The following RMDN2 variants were observed in gnomAD, a reference collection of about 807,000 sequenced individuals.
The protein encoded by RMDN2 is regulator of microtubule dynamics protein 2.
Under a neutral mutation model 52.8 loss-of-function variants are expected in RMDN2, and 61 were observed. The observed-to-expected ratio is 1.16, with a 90% CI of 0.94 to 1.43. The LOEUF (loss-of-function observed/expected upper bound fraction) is 1.43, where lower values mean the gene tolerates loss of function less well. Ranked by LOEUF, RMDN2 falls within the 40% of genes most tolerant of loss-of-function variation. The pLI is 0.00. For missense variants in RMDN2, 592 were observed against 475.3 expected (o/e 1.25, Z -2.28); for synonymous variants, 180 against 153.1 (o/e 1.18, Z -1.30).
At chr2:38,027,694 G>C (rs912087793) in intron 10 of RMDN2, among the ~76,000 whole-genome samples, 11 of 152,138 alleles carry the variant, frequency 7.2e-5, no homozygotes, top group African/African-American at 2.7e-4. Flanking sequence ...AAATAAAATT[G>C]CATGTGGAGA....
chr2:37,927,949 C>A (rs1292420088), intron 1 of RMDN2, among the ~76,000 whole-genome samples: 1 of 152,152 alleles, frequency 6.6e-6, no homozygotes, highest in Non-Finnish European at 1.5e-5. Context: ...CCCAGTTATA[C>A]CAATTAGGTG....
chr2:37,941,352 C>G (rs368578156), intron 2 of RMDN2, among the ~76,000 whole-genome samples: 1 of 152,236 alleles, frequency 6.6e-6, no homozygotes, highest in Non-Finnish European at 1.5e-5. Flanking sequence ...AGGTGTCTCC[C>G]TGTCAGGAGG....
At chr2:38,006,423 C>G (rs1292085866) in intron 10 of RMDN2, among the ~76,000 whole-genome samples, 1 of 152,130 alleles carries the variant, frequency 6.6e-6, no homozygotes, top group Non-Finnish European at 1.5e-5. Flanking sequence ...CCTTCACGTC[C>G]CTTGTAAGTT....
At chr2:37,951,507 A>C in intron 2 of RMDN2, 2 of 1,612,084 alleles carry the variant, frequency 1.2e-6, no homozygotes, top group Non-Finnish European at 1.7e-6. Flanking sequence ...AAGTAGAGCT[A>C]ACTTTGATTC....
chr2:37,982,673 T>C (rs1371011148), intron 5 of RMDN2, among the ~76,000 whole-genome samples: 1 of 152,136 alleles, frequency 6.6e-6, no homozygotes, highest in East Asian at 1.9e-4. Context: ...GATAAAGTAT[T>C]GTTTTGTACT....
At chr2:38,012,715 AC>A in intron 10 of RMDN2, 1 of 393,438 alleles carries the variant, frequency 2.5e-6, no homozygotes. Context: ...TATATGTAAT[AC>A]CCCTCCATCT....
At chr2:37,990,141 TGA>T (rs373081383) in intron 6 of RMDN2, among the ~76,000 whole-genome samples, 60,933 of 132,810 alleles carry the variant, frequency 0.46, 14,098 homozygotes, top group East Asian at 0.73. Flanking sequence ...AGACTCCGTC[TGA>T]AAAAAAAAAA....
intron 2 of RMDN2, among the ~76,000 whole-genome samples, chr2:37,943,050 A>G (rs1667932377): frequency 6.6e-6 from 1 of 152,200 alleles, no homozygotes; most frequent in South Asian, 2.1e-4. Flanking sequence ...ATGAGCAGCC[A>G]TCCACATGCC....
intron 2 of RMDN2, chr2:37,951,290 A>G (rs1054237536): frequency 1.2e-5 from 20 of 1,611,870 alleles, no homozygotes; most frequent in African/African-American, 2.7e-5. Context: ...AAGTTAGTAC[A>G]GACGCCCAGC....
At chr2:37,999,353 T>C (rs7603987) in intron 8 of RMDN2, among the ~76,000 whole-genome samples, 1,786 of 152,308 alleles carry the variant, frequency 0.012, 34 homozygotes, top group African/African-American at 0.041. Flanking sequence ...TCTACATTCT[T>C]ACAAGTAAAT....
intron 2 of RMDN2, among the ~76,000 whole-genome samples, chr2:37,948,828 G>T (rs984560039): frequency 6.6e-6 from 1 of 152,042 alleles, no homozygotes; most frequent in African/African-American, 2.4e-5. Context: ...AATAAGGTCG[G>T]GGGAGTGATC....
At chr2:38,045,805 G>C (rs899575228) in intron 10 of RMDN2, among the ~76,000 whole-genome samples, 1 of 152,222 alleles carries the variant, frequency 6.6e-6, no homozygotes, top group African/African-American at 2.4e-5. Flanking sequence ...ATAAAAGCTA[G>C]TGGCTTCACA....
intron 4 of RMDN2, among the ~76,000 whole-genome samples, chr2:37,976,525 A>T (rs746126502): frequency 4.6e-5 from 7 of 152,180 alleles, no homozygotes; most frequent in Non-Finnish European, 7.3e-5. Context: ...AACTCCTTGT[A>T]ATTATATTTT....
In RMDN2 at chr2:37,977,857, G is replaced by GCTC. The variant is rs554157837; in HGVS notation, c.730+2547_730+2549dup. Among the ~76,000 whole-genome samples, 427 of 151,726 alleles carry GCTC rather than the reference G, an allele frequency of 2.8e-3. 2 individuals are homozygous for GCTC. Among genetic ancestry groups the GCTC allele is most frequent in the South Asian group, 0.02 (97 of 4,766 alleles). Reference sequence around the variant, plus strand: ...CCAGACTGGGCGGCCGGGCAGAGGGGCTCCTCACATCCCGGACGATGGGCG... The same window carrying GCTC: ...CCAGACTGGGCGGCCGGGCAGAGGGGCTCCTCCTCACATCCCGGACGATGGGCG... On this transcript the variant is annotated intron_variant, in intron 4 of 10. Coordinates refer to ENST00000354545, the MANE Select transcript of RMDN2 (RefSeq NM_001170791.3).
At chr2:37,976,935 G>A (rs1158560481) in intron 4 of RMDN2, among the ~76,000 whole-genome samples, 2 of 151,868 alleles carry the variant, frequency 1.3e-5, no homozygotes, top group South Asian at 2.1e-4. Context: ...GTGGAGGGAA[G>A]GTCAGCAGAT....
chr2:37,925,908 G>A (rs1666242233), intron 1 of RMDN2, among the ~76,000 whole-genome samples: 1 of 152,162 alleles, frequency 6.6e-6, no homozygotes, highest in Non-Finnish European at 1.5e-5. Flanking sequence ...GATTATCAGT[G>A]CTGCCAACAT....
At chr2:37,979,812 G>T (rs1025397758) in intron 4 of RMDN2, among the ~76,000 whole-genome samples, 1 of 152,026 alleles carries the variant, frequency 6.6e-6, no homozygotes, top group African/African-American at 2.4e-5. Context: ...CTGGCAGTAC[G>T]CTGAAAGTTT....
chr2:37,953,690 G>T (rs1313356415), intron 2 of RMDN2, among the ~76,000 whole-genome samples: 1 of 151,912 alleles, frequency 6.6e-6, no homozygotes, highest in Non-Finnish European at 1.5e-5. Context: ...CTTCCTTTCA[G>T]TTCTTTTGAG....
intron 2 of RMDN2, chr2:37,963,317 C>CT (rs60052181): frequency 0.26 from 29,841 of 115,536 alleles, 5,041 homozygotes; most frequent in East Asian, 0.73. Flanking sequence ...ACGTGAGTTT[C>CT]TTTTTTTTTT....
Sources: allele counts gnomAD v4.1 joint callset (sites outside exome capture counted in the v4.1 genomes callset), GRCh38; gene constraint gnomAD v4.1.1; transcripts MANE v1.5; gene names NCBI Gene and HGNC (gene_info 2026-07-23, HGNC 2026-07-21).